Variants in CFAP58 observed in about 807,000 individuals in gnomAD.
The protein encoded by CFAP58 is cilia- and flagella-associated protein 58.
CFAP58 carries 88 observed loss-of-function variants against 119.5 expected under a neutral mutation model. The ratio of observed to expected loss-of-function variants is 0.74; its 90% CI spans 0.62 to 0.88. CFAP58 has a LOEUF of 0.88. Ranked by LOEUF, CFAP58 falls within the 40% of genes least tolerant of loss-of-function variation. The pLI is 0.00. For synonymous variants in CFAP58, 365 were observed against 366.3 expected (o/e 1.00, Z 0.04); for missense variants, 990 against 1,021.2 (o/e 0.97, Z 0.42).
Position 104,365,795 on chromosome 10 carries a change from T to G in CFAP58, c.598-19T>G, listed in dbSNP as rs2014735421. 1 of 1,593,752 alleles carries G rather than the reference T, an allele frequency of 6.3e-7. No homozygotes were observed. The highest frequency in any genetic ancestry group is 8.5e-7 in the Non-Finnish European group (1 of 1,171,768). On this transcript the variant is annotated intron_variant, in intron 4 of 17. Transcript: ENST00000369704. ...TCAGGGCTCATCTCTTTCTCTCTTGTCCTTTCCGCAACCTCTAGTTCCAAC... is the reference window on the plus strand; with the variant it reads ...TCAGGGCTCATCTCTTTCTCTCTTGGCCTTTCCGCAACCTCTAGTTCCAAC...
In CFAP58 at chr10:104,380,066, C is replaced by G; in HGVS notation, c.1211C>G (p.Thr404Arg). 1 of 1,614,082 alleles carries G rather than the reference C, an allele frequency of 6.2e-7. No individual in the cohort carries two copies. Among genetic ancestry groups the G allele is most frequent in the Non-Finnish European group, 8.5e-7 (1 of 1,179,980 alleles). The change falls in exon 9 of 18, where the codon ACA becomes AGA. Residue 404 changes from threonine (T) to arginine (R), a missense_variant. Physicochemically the swap from Thr to Arg is moderately conservative, Grantham distance 71. Coordinates refer to ENST00000369704, the MANE Select transcript of CFAP58 (RefSeq NM_001008723.2). ...GCGGTCAATGCGACCCAGAAGCAGA[C>G]AGACTTGGTAAAGCTCCATGAACAA... The part of the protein sequence containing the change: ...LKAVNATQKQ[T>R]DLVKLHEQAK...
chr10:104,403,511 C>CT (rs572839157), intron 13 of CFAP58, among the ~76,000 whole-genome samples: 63,215 of 132,932 alleles, frequency 0.48, 16,848 homozygotes, highest in African/African-American at 0.73. Context: ...AGCCCTGGCA[C>CT]TTTTTTTTTT....
intron 15 of CFAP58, among the ~76,000 whole-genome samples, chr10:104,442,830 T>A (rs1032372138): frequency 1.3e-5 from 2 of 152,192 alleles, no homozygotes; most frequent in African/African-American, 4.8e-5. Flanking sequence ...AATAAAAAAA[T>A]ATTGCTCGAA....
At chr10:104,357,933 A>C (rs562383102) in intron 1 of CFAP58, among the ~76,000 whole-genome samples, 1 of 121,868 alleles carries the variant, frequency 8.2e-6, no homozygotes, top group African/African-American at 4.5e-5. Flanking sequence ...ACACATATAC[A>C]CACATATATG....
intron 13 of CFAP58, among the ~76,000 whole-genome samples, 180 bp from the exon 14 acceptor site, chr10:104,403,540 CCAATTCTTG>C (rs1304511501): frequency 1.4e-5 from 2 of 138,756 alleles, no homozygotes; most frequent in Non-Finnish European, 3.0e-5. Flanking sequence ...GAAAGCTAAG[CCAATTCTTG>C]AGCTCTGCAA....
chr10:104,447,843 G>C, intron 16 of CFAP58, 26 bp downstream of exon 16: 1 of 1,578,428 alleles, frequency 6.3e-7, no homozygotes. Flanking sequence ...TGTTCCTTCC[G>C]GGTTCCAGGG....
intron 15 of CFAP58, among the ~76,000 whole-genome samples, chr10:104,412,775 C>T (rs1564897025): frequency 6.6e-6 from 1 of 152,190 alleles, no homozygotes; most frequent in African/African-American, 2.4e-5. Context: ...AGGAGGGGCG[C>T]TTCCCAGTTC....
At chr10:104,429,335 GA>G (rs1448691490) in intron 15 of CFAP58, among the ~76,000 whole-genome samples, 3 of 152,162 alleles carry the variant, frequency 2.0e-5, no homozygotes, top group African/African-American at 7.2e-5. Flanking sequence ...GAGAGCAAAG[GA>G]GTGAGCGAGC....
chr10:104,424,072 T>G (rs2012703696), intron 15 of CFAP58, among the ~76,000 whole-genome samples: 1 of 152,202 alleles, frequency 6.6e-6, no homozygotes, highest in Non-Finnish European at 1.5e-5. Context: ...ATGGCAGTGC[T>G]GATTTTATTA....
chr10:104,349,739 G>A (rs2014438404), upstream of CFAP58, among the ~76,000 whole-genome samples: 2 of 152,196 alleles, frequency 1.3e-5, no homozygotes, highest in Admixed American at 1.3e-4. Flanking sequence ...ACCACTGTGG[G>A]ATGATGCAAG....
rs137955745 is a variant in CFAP58 at position 104,357,988 on chromosome 10, C to T, written c.10-353C>T. On this transcript the variant is annotated intron_variant, in intron 1 of 17. Coordinates refer to ENST00000369704, the MANE Select transcript of CFAP58 (RefSeq NM_001008723.2). ...ATGTACACATATGTACATATGTACA[C>T]ATATATGTACACATATATACACATA... 3.2e-3 allele frequency among the ~76,000 whole-genome samples: 448 copies of T among 142,056 alleles called. 8 individuals are homozygous for T. The highest frequency in any genetic ancestry group is 0.026 in the East Asian group (122 of 4,680). 93.2% of individuals were successfully genotyped at this position (142,056 alleles called of 152,430 possible). A position where few individuals can be genotyped will look rare whatever the true frequency, so the allele number is the denominator to read the frequency against.
chr10:104,343,825 C>G, the CFAP58 span, among the ~76,000 whole-genome samples: 3 of 152,198 alleles, frequency 2.0e-5, no homozygotes, highest in Non-Finnish European at 4.4e-5. Flanking sequence ...TCACTGCAGC[C>G]TCAACCTCCC....
chr10:104,446,535 G>A (rs922484741), intron 15 of CFAP58, among the ~76,000 whole-genome samples: 9 of 152,120 alleles, frequency 5.9e-5, no homozygotes, highest in African/African-American at 1.4e-4. Flanking sequence ...TCTGCTAAAA[G>A]CAGATTATTT....
In CFAP58 at chr10:104,409,668, T is replaced by C. The variant is rs1321178013; in HGVS notation, c.2256+2875T>C. Among the ~76,000 whole-genome samples the C allele has an allele frequency of 4.6e-5, 7 of 152,224 alleles. No individual in the cohort carries two copies. In the South Asian group the frequency reaches 1.0e-3, roughly 22 times the overall value. The stretch of plus-strand genomic sequence containing the variant: ...TAAGGTGAGTATAAGATTATAATTT[T>C]TATTTCTTCCTGCTTGAATTGCTCC... On this transcript the variant is annotated intron_variant, in intron 15 of 17. Coordinates refer to ENST00000369704, the MANE Select transcript of CFAP58 (RefSeq NM_001008723.2).
intron 11 of CFAP58, among the ~76,000 whole-genome samples, chr10:104,395,891 G>C (rs928890331): frequency 6.6e-6 from 1 of 152,210 alleles, no homozygotes; most frequent in Non-Finnish European, 1.5e-5. Context: ...TTTCCAAGCC[G>C]ATAGGCAAAC....
intron 16 of CFAP58, among the ~76,000 whole-genome samples, chr10:104,449,301 A>T (rs1290103732): frequency 6.6e-6 from 1 of 152,208 alleles, no homozygotes; most frequent in African/African-American, 2.4e-5. Flanking sequence ...CTTTTATGCA[A>T]ATATTTAAAA....
chr10:104,417,455 A>G (rs973133245), intron 15 of CFAP58, among the ~76,000 whole-genome samples: 2 of 152,188 alleles, frequency 1.3e-5, no homozygotes, highest in Non-Finnish European at 2.9e-5. Context: ...AACTGCAGGG[A>G]CTGATAATAT....
chr10:104,357,579 G>GAA (rs2014559370), intron 1 of CFAP58, among the ~76,000 whole-genome samples: 1 of 152,090 alleles, frequency 6.6e-6, no homozygotes, highest in African/African-American at 2.4e-5. Context: ...TAATAGCTCT[G>GAA]AAAATTCCTT....
chr10:104,407,468 A>G (rs775560722), intron 15 of CFAP58, among the ~76,000 whole-genome samples: 67 of 152,266 alleles, frequency 4.4e-4, no homozygotes, highest in Non-Finnish European at 7.8e-4. Context: ...AGTGTGGATG[A>G]GAATGTCAGC....
Sources: allele counts gnomAD v4.1 joint callset (sites outside exome capture counted in the v4.1 genomes callset), GRCh38; gene constraint gnomAD v4.1.1; transcripts MANE v1.5; gene names NCBI Gene and HGNC (gene_info 2026-07-23, HGNC 2026-07-21).